TNKS: variants seen among roughly 807,000 people sequenced by gnomAD.
TNKS encodes poly [ADP-ribose] polymerase tankyrase-1.
TNKS carries 72 observed loss-of-function variants against 135.8 expected under a neutral mutation model. The observed-to-expected ratio is 0.53, with a 90% CI of 0.44 to 0.64. TNKS has a LOEUF of 0.64. TNKS is among the 30% of genes least tolerant of loss of function. TNKS has a pLI of 0.00. For missense variants in TNKS, 1,769 were observed against 1,674.0 expected (o/e 1.06, Z -0.99); for synonymous variants, 849 against 649.3 (o/e 1.31, Z -4.68).
At chr8:9,566,382 GA>G (rs1276753547) in intron 1 of TNKS, 1 of 152,010 alleles carries the variant, frequency 6.6e-6, no homozygotes, top group African/African-American at 2.4e-5. Context: ...CTTAACAACA[GA>G]AAAATATAAC....
chr8:9,573,239 T>C (rs978011154), intron 1 of TNKS, among the ~76,000 whole-genome samples: 1 of 152,158 alleles, frequency 6.6e-6, no homozygotes, highest in African/African-American at 2.4e-5. Flanking sequence ...CAAAGAATGA[T>C]TGGTGAATCA....
chr8:9,699,690 T>TGCC (rs1205828568), intron 5 of TNKS, among the ~76,000 whole-genome samples: 1 of 152,188 alleles, frequency 6.6e-6, no homozygotes, highest in Non-Finnish European at 1.5e-5. Flanking sequence ...TAGATGCTGC[T>TGCC]GCCACTTTGC....
intron 17 of TNKS, among the ~76,000 whole-genome samples, chr8:9,747,398 ATGG>A (rs914301505): frequency 6.6e-6 from 1 of 151,882 alleles, no homozygotes; most frequent in Non-Finnish European, 1.5e-5. Flanking sequence ...GTAACTGTCA[ATGG>A]TTCAGGGTCT....
In TNKS at chr8:9,747,996, C is replaced by T. The variant is rs778234737; in HGVS notation, c.2644-28C>T. The T allele has an allele frequency of 8.9e-6, 14 of 1,576,740 alleles. No homozygotes were observed. The African/African-American group carries it at 9.5e-5, about 11-fold the overall frequency. On this transcript the variant is annotated intron_variant, in intron 17 of 26. Coordinates refer to ENST00000310430, the MANE Select transcript of TNKS (RefSeq NM_003747.3). ...CTTTACCAGATGATCTCATTCTTAA[C>T]TCTTTGTATCCTTTTCTTTTTTTTC...
chr8:9,706,746 C>CT, intron 7 of TNKS, 65 bp from the exon 8 acceptor site: 1 of 1,456,366 alleles, frequency 6.9e-7, no homozygotes, highest in Non-Finnish European at 9.3e-7. Context: ...AAATAAATGT[C>CT]TTTTGAGTTT....
chr8:9,771,841 GGGGA>G (rs199742787), intron 26 of TNKS, among the ~76,000 whole-genome samples: 580 of 5,260 alleles, frequency 0.11, 46 homozygotes, highest in East Asian at 0.42. Flanking sequence ...CGGGGAGAGA[GGGGA>G]GGGAGGGAGA....
At position 9,690,295 on chromosome 8, in the gene TNKS, A is replaced by G. The variant is rs566109843; in HGVS notation, c.1107+9495A>G. ...GAAAAATCCCCTTGAAGATTCCACAATGATAATGTGACGTTAAAATTGAAT... is the reference window on the plus strand; with the variant it reads ...GAAAAATCCCCTTGAAGATTCCACAGTGATAATGTGACGTTAAAATTGAAT... On this transcript the variant is annotated intron_variant, in intron 5 of 26. Coordinates refer to ENST00000310430, the MANE Select transcript of TNKS (RefSeq NM_003747.3). Among the ~76,000 whole-genome samples the G allele has an allele frequency of 4.4e-4, 67 of 152,328 alleles. No individual in the cohort carries two copies. The South Asian group carries it at 0.011, about 25-fold the overall frequency.
At chr8:9,616,649 T>C (rs1446764150) in intron 3 of TNKS, among the ~76,000 whole-genome samples, 2 of 152,174 alleles carry the variant, frequency 1.3e-5, no homozygotes, top group Non-Finnish European at 2.9e-5. Flanking sequence ...ATCTATGGAA[T>C]TTTGCTTAAT....
chr8:9,618,050 G>A (rs1270782952), intron 3 of TNKS, among the ~76,000 whole-genome samples: 4 of 141,366 alleles, frequency 2.8e-5, no homozygotes, highest in African/African-American at 7.9e-5. Context: ...TCAGTGGAAC[G>A]ATCTCAGCTC....
At chr8:9,663,858 A>G (rs73526936) in intron 3 of TNKS, among the ~76,000 whole-genome samples, 66 of 152,298 alleles carry the variant, frequency 4.3e-4, no homozygotes, top group African/African-American at 1.5e-3. Flanking sequence ...CCACCTTCCT[A>G]GCACCTCCAC....
chr8:9,770,862 A>G (rs190487697), intron 26 of TNKS, among the ~76,000 whole-genome samples: 165 of 152,296 alleles, frequency 1.1e-3, no homozygotes, highest in Non-Finnish European at 1.8e-3. Flanking sequence ...ACCGTGGGCA[A>G]AACAGTGAAA....
At chr8:9,634,080 CATATAT>C (rs35243166) in intron 3 of TNKS, among the ~76,000 whole-genome samples, 326 of 142,190 alleles carry the variant, frequency 2.3e-3, no homozygotes, top group Non-Finnish European at 3.9e-3. Context: ...CATTTAACTG[CATATAT>C]ATATATATAT....
At chr8:9,691,928 C>G (rs554868295) in intron 5 of TNKS, among the ~76,000 whole-genome samples, 8 of 152,234 alleles carry the variant, frequency 5.3e-5, no homozygotes, top group African/African-American at 1.9e-4. Context: ...TATAGAGAGC[C>G]ACACTCCAGC....
Position 9,556,426 on chromosome 8 carries a change from G to GC in TNKS, c.488dup (p.Pro164ThrfsTer78). On this transcript the variant is annotated frameshift_variant, in exon 1 of 27. Transcript: ENST00000310430. LOFTEE classifies it high-confidence loss of function. ...CGAGGCGGCCGGAGTTAGCAGCACAGCACCACTGGGGCCTGGGGCAGCAGG... is the reference window on the plus strand; with the variant it reads ...CGAGGCGGCCGGAGTTAGCAGCACAGCCACCACTGGGGCCTGGGGCAGCAGG... The GC allele has an allele frequency of 6.2e-7, 1 of 1,614,168 alleles. No individual in the cohort carries two copies. The highest frequency in any genetic ancestry group is 8.5e-7 in the Non-Finnish European group (1 of 1,180,036).
chr8:9,705,329 T>C (rs534294516), intron 6 of TNKS, among the ~76,000 whole-genome samples: 2 of 152,314 alleles, frequency 1.3e-5, no homozygotes, highest in African/African-American at 2.4e-5. Context: ...TATACGATCA[T>C]TGGGTTTGCT....
chr8:9,665,715 C>G (rs1363030926), intron 3 of TNKS, among the ~76,000 whole-genome samples: 1 of 152,188 alleles, frequency 6.6e-6, no homozygotes, highest in African/African-American at 2.4e-5. Context: ...CTACTGGTCT[C>G]TTTCTCTGGA....
Position 9,636,443 on chromosome 8 carries a change from T to C in TNKS, c.994+20766T>C, listed in dbSNP as rs911343099. 8.2e-4 allele frequency among the ~76,000 whole-genome samples: 125 copies of C among 152,314 alleles called. 2 individuals carry two copies. Among genetic ancestry groups the C allele is most frequent in the African/African-American group, 2.9e-3 (120 of 41,582 alleles). On this transcript the variant is annotated intron_variant, in intron 3 of 26. Transcript: ENST00000310430. Reference sequence around the variant, plus strand: ...TTATAAAGAGCTCAAGACTTTTTTTTTCTTTTTCTTTACATTTTACTTCTA... The same window carrying C: ...TTATAAAGAGCTCAAGACTTTTTTTCTCTTTTTCTTTACATTTTACTTCTA...
intron 1 of TNKS, among the ~76,000 whole-genome samples, chr8:9,561,481 C>G (rs920536979): frequency 6.6e-6 from 1 of 152,120 alleles, no homozygotes; most frequent in African/African-American, 2.4e-5. Flanking sequence ...AATATTTAGT[C>G]TTTCTGTAAG....
chr8:9,766,405 G>A lies in TNKS; in HGVS notation c.3720G>A (p.Arg1240=), dbSNP rs1407948026. 1.2e-6 allele frequency: 2 copies of A among 1,607,998 alleles called. No homozygotes were observed. Among genetic ancestry groups the A allele is most frequent in the South Asian group, 1.1e-5 (1 of 90,376 alleles). Residue 1240 remains arginine (R), a synonymous_variant, in exon 25 of 27, where the codon AGG becomes AGA. Transcript: ENST00000310430. ...GGTGCPTHKD[R]SCYICHRQML... ...CAGGCTGCCCTACACACAAGGACAG[G>A]TCATGCTATATATGTCACAGGTAAG...
Sources: gnomAD v4.1 joint callset for allele counts (sites outside exome capture counted in the v4.1 genomes callset) on GRCh38, gnomAD v4.1.1 for gene constraint, MANE v1.5 for transcripts, NCBI Gene and HGNC (gene_info 2026-07-23, HGNC 2026-07-21) for gene names.